The following MFSD6 variants were observed in gnomAD, a reference collection of about 807,000 sequenced individuals.
MFSD6 encodes major facilitator superfamily domain-containing protein 6.
A neutral mutation model predicts 56.3 loss-of-function variants in MFSD6; 26 were observed. The ratio of observed to expected loss-of-function variants is 0.46; its 90% CI spans 0.34 to 0.64. MFSD6 has a LOEUF of 0.64. Ranked by LOEUF, MFSD6 falls within the 30% of genes least tolerant of loss-of-function variation. The pLI, the probability that MFSD6 is intolerant of heterozygous loss-of-function variation, is 0.01. For missense variants in MFSD6, 750 were observed against 986.2 expected (o/e 0.76, Z 3.21); for synonymous variants, 331 against 366.9 (o/e 0.90, Z 1.12).
At position 190,410,529 on chromosome 2, in the gene MFSD6, G is replaced by A. The variant is rs1308871145; in HGVS notation, c.-176+2026G>A. Among the ~76,000 whole-genome samples, 1 of 152,194 alleles carries A rather than the reference G, an allele frequency of 6.6e-6. No individual in the cohort carries two copies. The highest frequency in any genetic ancestry group is 2.4e-5 in the African/African-American group (1 of 41,444). Reference sequence around the variant, plus strand: ...ATTACTTATGTTAACATTTAGCCATGTAGGATAATTTATATATTTATTACG... The same window carrying A: ...ATTACTTATGTTAACATTTAGCCATATAGGATAATTTATATATTTATTACG... On this transcript the variant is annotated intron_variant, in intron 1 of 7. Coordinates refer to ENST00000392328, the MANE Select transcript of MFSD6 (RefSeq NM_017694.4). The surrounding 1 kb of genome is among the most constrained non-coding windows in gnomAD (Gnocchi z 4.4).
At chr2:190,474,877 T>G (rs1688193023) in intron 4 of MFSD6, among the ~76,000 whole-genome samples, 3 of 152,292 alleles carry the variant, frequency 2.0e-5, no homozygotes, top group South Asian at 4.1e-4. Flanking sequence ...CATGATCAAG[T>G]GGGCTTCATC....
intron 3 of MFSD6, among the ~76,000 whole-genome samples, chr2:190,466,056 C>T (rs940041098): frequency 6.6e-6 from 1 of 152,142 alleles, no homozygotes; most frequent in Non-Finnish European, 1.5e-5. Context: ...TTCCAAGGGC[C>T]TCTCTCTTTG....
rs1686082765 is a variant in MFSD6 at position 190,433,756 on chromosome 2, C to T, written c.-53-2221C>T. Among the ~76,000 whole-genome samples the T allele has an allele frequency of 6.6e-6, 1 of 152,104 alleles. No homozygotes were observed. The highest frequency in any genetic ancestry group is 1.5e-5 in the Non-Finnish European group (1 of 68,030). ...CCTTAAGTTGTGTTCCATTGTCTAC[C>T]TAGGAGCTTTGTAGAGATTAAAAAA... On this transcript the variant is annotated intron_variant, in intron 2 of 7. Transcript: ENST00000392328. This position sits in a 1 kb window ranked among gnomAD's most constrained non-coding sequence, Gnocchi z 4.5.
chr2:190,445,886 C>T (rs552311145), intron 3 of MFSD6, among the ~76,000 whole-genome samples: 4 of 152,014 alleles, frequency 2.6e-5, no homozygotes, highest in African/African-American at 9.7e-5. Flanking sequence ...TCTTTAAGCT[C>T]TAAGGATTAC....
At chr2:190,440,956 C>T (rs1432404049) in intron 3 of MFSD6, among the ~76,000 whole-genome samples, 1 of 152,082 alleles carries the variant, frequency 6.6e-6, no homozygotes, top group Non-Finnish European at 1.5e-5. Flanking sequence ...TTCAGCACAG[C>T]CAAGGACACA....
rs1487445661 is a variant in MFSD6, at chr2:190,410,597, A to G, written c.-176+2094A>G. On this transcript the variant is annotated intron_variant, in intron 1 of 7. Coordinates refer to ENST00000392328, the MANE Select transcript of MFSD6 (RefSeq NM_017694.4). The surrounding 1 kb of genome is among the most constrained non-coding windows in gnomAD (Gnocchi z 4.4). ...GTATGTTTACCCTTTTGTCCTCACC[A>G]GTTGTAGATTGAAGGCAGTATGAAG... Among the ~76,000 whole-genome samples, 1 of 152,200 alleles carries G rather than the reference A, an allele frequency of 6.6e-6. No individual in the cohort carries two copies. Among genetic ancestry groups the G allele is most frequent in the African/African-American group, 2.4e-5 (1 of 41,450 alleles).
chr2:190,414,306 C>T (rs1296641204), intron 1 of MFSD6, among the ~76,000 whole-genome samples: 3 of 152,138 alleles, frequency 2.0e-5, no homozygotes, highest in Admixed American at 6.5e-5. Flanking sequence ...TCTTGATTAA[C>T]GTGCTCCAAT....
chr2:190,464,740 CTTAT>C (rs750449734), intron 3 of MFSD6: 9 of 176,926 alleles, frequency 5.1e-5, no homozygotes, highest in African/African-American at 7.2e-5. Context: ...TTATATTTAA[CTTAT>C]TTGTTTATGT....
chr2:190,430,782 C>T (rs1447585410), intron 2 of MFSD6, among the ~76,000 whole-genome samples: 3 of 151,306 alleles, frequency 2.0e-5, no homozygotes, highest in Non-Finnish European at 4.4e-5. Flanking sequence ...GAAGGGGCGG[C>T]CGGGCGGGCA....
intron 1 of MFSD6, chr2:190,411,178 T>C (rs1304084278): frequency 8.5e-5 from 81 of 950,562 alleles, no homozygotes; most frequent in East Asian, 2.4e-4. Context: ...TTTTTTTTTT[T>C]CAGACAGAGT....
chr2:190,438,928 T>C lies in MFSD6; in HGVS notation c.1532+1367T>C, dbSNP rs1274410114. Among the ~76,000 whole-genome samples, 4 of 152,170 alleles carry C rather than the reference T, an allele frequency of 2.6e-5. No individual in the cohort carries two copies. The highest frequency in any genetic ancestry group is 7.2e-5 in the African/African-American group (3 of 41,450). On this transcript the variant is annotated intron_variant, in intron 3 of 7. Transcript: ENST00000392328. This position sits in a 1 kb window ranked among gnomAD's most constrained non-coding sequence, Gnocchi z 5.2. ...GGTTTGGTTTTGCTTCGGGAGGTGG[T>C]GTTCTGTTCCTTCCCTTTCTCAGAT...
chr2:190,493,787 A>C (rs149436536), intron 6 of MFSD6, among the ~76,000 whole-genome samples: 1,723 of 152,324 alleles, frequency 0.011, 39 homozygotes, highest in African/African-American at 0.038. Context: ...CAACAGCAAA[A>C]TCAAGATGGA....
Position 190,497,798 on chromosome 2 carries a change from T to C in MFSD6, c.2172+79T>C. 6.9e-7 allele frequency: 1 copy of C among 1,454,078 alleles called. No homozygotes were observed. Among genetic ancestry groups the C allele is most frequent in the South Asian group, 1.3e-5 (1 of 75,688 alleles). 90.1% of individuals were successfully genotyped at this position (1,454,078 alleles called of 1,614,324 possible). A position where few individuals can be genotyped will look rare whatever the true frequency, so the allele number is the denominator to read the frequency against. ...CTGGGCTCAGTTTTAATTACTCACTTTTCATTCAACAAGATTTATTGAAAG... is the reference window on the plus strand; with the variant it reads ...CTGGGCTCAGTTTTAATTACTCACTCTTCATTCAACAAGATTTATTGAAAG... On this transcript the variant is annotated intron_variant, in intron 7 of 7. Transcript: ENST00000392328. This position sits in a 1 kb window ranked among gnomAD's most constrained non-coding sequence, Gnocchi z 5.2.
At chr2:190,428,231 CAAT>C in intron 2 of MFSD6, among the ~76,000 whole-genome samples, 1 of 152,304 alleles carries the variant, frequency 6.6e-6, no homozygotes, top group Admixed American at 6.5e-5. Flanking sequence ...GGAAATACTA[CAAT>C]TTATGTATCT....
At chr2:190,411,329 T>A (rs1690557543) in intron 1 of MFSD6, 6 of 439,428 alleles carry the variant, frequency 1.4e-5, no homozygotes, top group Non-Finnish European at 1.8e-5. Flanking sequence ...TCAGCTAATT[T>A]TTATTTTTTT....
At position 190,415,902 on chromosome 2, in the gene MFSD6, C is replaced by G. The variant is rs1244174329; in HGVS notation, c.-54+489C>G. On this transcript the variant is annotated intron_variant, in intron 2 of 7. Transcript: ENST00000392328. This position sits in a 1 kb window ranked among gnomAD's most constrained non-coding sequence, Gnocchi z 4.5. ...CATTTCTGTTTAAACTGCCTTGTCT[C>G]GTGTATAGATTGTGCTTTATTTAAC... Among the ~76,000 whole-genome samples the G allele has an allele frequency of 1.3e-5, 2 of 152,146 alleles. No homozygotes were observed. The highest frequency in any genetic ancestry group is 2.1e-4 in the South Asian group (1 of 4,822).
At position 190,465,409 on chromosome 2, in the gene MFSD6, A is replaced by G. The variant is rs1394380135; in HGVS notation, c.1533-4349A>G. 6.6e-6 allele frequency among the ~76,000 whole-genome samples: 1 copy of G among 150,818 alleles called. No homozygotes were observed. Among genetic ancestry groups the G allele is most frequent in the East Asian group, 1.9e-4 (1 of 5,146 alleles). On this transcript the variant is annotated intron_variant, in intron 3 of 7. Coordinates refer to ENST00000392328, the MANE Select transcript of MFSD6 (RefSeq NM_017694.4). This position sits in a 1 kb window ranked among gnomAD's most constrained non-coding sequence, Gnocchi z 4.6. ...CATTATAGGTGTTCAGTAGGTATCTATATCTCGTGGAGAGACTTTTTTTTT... is the reference window on the plus strand; with the variant it reads ...CATTATAGGTGTTCAGTAGGTATCTGTATCTCGTGGAGAGACTTTTTTTTT...
In MFSD6 at chr2:190,481,875, G is replaced by A. The variant is rs1054617937; in HGVS notation, c.1631-6782G>A. Among the ~76,000 whole-genome samples the A allele has an allele frequency of 5.3e-5, 8 of 152,302 alleles. No individual in the cohort carries two copies. The East Asian group carries it at 1.4e-3, about 26-fold the overall frequency. ...TCCATTGCTCTTTGTAGGATCCTCC[G>A]CCATTTGTGGAAGGTGTATTGCTGT... is the stretch of plus-strand genomic sequence containing the variant. On this transcript the variant is annotated intron_variant, in intron 4 of 7. Transcript: ENST00000392328.
At chr2:190,422,711 G>T (rs1044321400) in intron 2 of MFSD6, among the ~76,000 whole-genome samples, 1 of 152,128 alleles carries the variant, frequency 6.6e-6, no homozygotes, top group Non-Finnish European at 1.5e-5. Context: ...TTAGGTACTA[G>T]GTGGGTCATT....
Sources: gnomAD v4.1 joint callset for allele counts (sites outside exome capture counted in the v4.1 genomes callset) on GRCh38, gnomAD v4.1.1 for gene constraint, Gnocchi (gnomAD v3.1) non-coding constraint, MANE v1.5 for transcripts, NCBI Gene and HGNC (gene_info 2026-07-23, HGNC 2026-07-21) for gene names.